NDRG3: variants seen among roughly 807,000 people sequenced by gnomAD.
NDRG3 encodes the protein protein NDRG3.
In NDRG3, 23 loss-of-function variants were observed where a neutral mutation model predicts 57.2. That is an observed-to-expected ratio of 0.40 (90% CI 0.29 to 0.57). NDRG3 has a LOEUF of 0.57. Among genes scored for constraint, NDRG3 ranks in the 20% least tolerant of loss-of-function variants. The probability of loss-of-function intolerance (pLI) is 0.42; values close to 1 mark genes in which losing one functional copy is unlikely to be tolerated. For missense variants in NDRG3, 384 were observed against 457.3 expected, an observed-to-expected ratio of 0.84 and a Z score of 1.46; for synonymous variants, 132 against 162.6, an observed-to-expected ratio of 0.81 and a Z score of 1.43.
chr20:36,679,460 C>G (rs554661024), intron 8 of NDRG3, among the ~76,000 whole-genome samples: 1 of 151,836 alleles, frequency 6.6e-6, no homozygotes, highest in Non-Finnish European at 1.5e-5. Context: ...TGTATTCACA[C>G]AATAGGTTAC....
chr20:36,730,666 G>C (rs1985229085), intron 1 of NDRG3, among the ~76,000 whole-genome samples: 1 of 152,038 alleles, frequency 6.6e-6, no homozygotes, highest in Non-Finnish European at 1.5e-5. Context: ...CACAAGGTTG[G>C]CCAGGGCACA....
intron 3 of NDRG3, among the ~76,000 whole-genome samples, chr20:36,693,048 C>T (rs6071916): frequency 0.24 from 26,558 of 112,740 alleles, 3,879 homozygotes; most frequent in Middle Eastern, 0.41. Context: ...GTACTCCAGC[C>T]GGGGTGACAG....
chr20:36,656,547 A>T lies in NDRG3; in HGVS notation c.859-15T>A, dbSNP rs199625094. ...CAGTCCGCCATCTAGAAAAGGAAAA[A>T]TATGCAAGTCAGCTGGGACTTACCC... On this transcript the variant is annotated splice_polypyrimidine_tract_variant and intron_variant, in intron 13 of 15. Transcript: ENST00000349004. The T allele has an allele frequency of 3.7e-6, 6 of 1,614,004 alleles. No individual in the cohort carries two copies. The East Asian group carries it at 1.1e-4, about 30-fold the overall frequency.
intron 8 of NDRG3, among the ~76,000 whole-genome samples, chr20:36,680,484 C>CAAAAAAAAA (rs71186011): frequency 7.8e-6 from 1 of 127,398 alleles, no homozygotes. Context: ...GACTCCATCT[C>CAAAAAAAAA]AAAAAAAAAA....
At chr20:36,726,475 T>C in intron 1 of NDRG3, among the ~76,000 whole-genome samples, 1 of 152,172 alleles carries the variant, frequency 6.6e-6, no homozygotes, top group Non-Finnish European at 1.5e-5. Flanking sequence ...CCGCTTTCAA[T>C]GTCTCAAGCC....
intron 1 of NDRG3, among the ~76,000 whole-genome samples, chr20:36,738,153 G>A (rs1045325117): frequency 3.0e-4 from 45 of 152,104 alleles, no homozygotes; most frequent in South Asian, 1.9e-3. Flanking sequence ...CCTACCTGGG[G>A]GTATTGGAAA....
At chr20:36,727,607 T>A (rs1360083508) in intron 1 of NDRG3, among the ~76,000 whole-genome samples, 1 of 150,538 alleles carries the variant, frequency 6.6e-6, no homozygotes, top group South Asian at 2.1e-4. Flanking sequence ...CAGTGGCACA[T>A]CTCAGCTCAC....
intron 1 of NDRG3, among the ~76,000 whole-genome samples, chr20:36,744,401 GGAAATTA>G (rs1192358573): frequency 1.3e-5 from 2 of 151,958 alleles, no homozygotes; most frequent in Admixed American, 1.3e-4. Context: ...AAGGGGGGGT[GGAAATTA>G]ACTGAGTCCT....
chr20:36,727,774 C>T (rs1335149439), intron 1 of NDRG3, among the ~76,000 whole-genome samples: 1 of 152,004 alleles, frequency 6.6e-6, no homozygotes, highest in African/African-American at 2.4e-5. Flanking sequence ...ATCTCCTGAC[C>T]TCGTGATCTG....
intron 7 of NDRG3, 119 bp from the exon 8 acceptor site, chr20:36,681,021 A>C: frequency 1.4e-6 from 1 of 737,916 alleles, no homozygotes; most frequent in African/African-American, 1.7e-5. Flanking sequence ...TTTGAAAGTA[A>C]GACTACAAAG....
chr20:36,739,826 C>T (rs531385152), intron 1 of NDRG3, among the ~76,000 whole-genome samples: 36 of 145,198 alleles, frequency 2.5e-4, no homozygotes, highest in African/African-American at 8.9e-4. Context: ...AGGAGAATGG[C>T]GTGAACCTGG....
At chr20:36,677,271 G>A (rs1256049772) in intron 8 of NDRG3, among the ~76,000 whole-genome samples, 1 of 152,206 alleles carries the variant, frequency 6.6e-6, no homozygotes, top group Non-Finnish European at 1.5e-5. Context: ...CATGAATGGA[G>A]CGGGACGCAG....
rs547944347 is a variant in NDRG3 at position 36,680,392 on chromosome 20, C to T, written c.531+424G>A. Among the ~76,000 whole-genome samples, 51 of 150,626 alleles carry T rather than the reference C, an allele frequency of 3.4e-4. 1 individual carries two copies. The East Asian group carries it at 9.0e-3, about 27-fold the overall frequency. On this transcript the variant is annotated intron_variant, in intron 8 of 15. Coordinates refer to ENST00000349004, the MANE Select transcript of NDRG3 (RefSeq NM_032013.4). ...ATCCCAGCCACTCGGGAGGCTGAGG[C>T]AGAGAATTGCTTGAACCGGGAGGTG...
intron 1 of NDRG3, among the ~76,000 whole-genome samples, chr20:36,722,790 G>A (rs1457254643): frequency 1.3e-5 from 2 of 152,050 alleles, no homozygotes; most frequent in Admixed American, 6.6e-5. Context: ...ATGTATAATC[G>A]CCCACCCAAA....
intron 5 of NDRG3, 134 bp downstream of exon 5, chr20:36,687,358 G>A (rs1981875444): frequency 1.8e-6 from 2 of 1,108,018 alleles, no homozygotes; most frequent in Admixed American, 2.6e-5. Context: ...GAAAATATGA[G>A]GATGGTTGGT....
intron 3 of NDRG3, among the ~76,000 whole-genome samples, chr20:36,703,455 TATC>T (rs1983368897): frequency 6.6e-6 from 1 of 151,400 alleles, no homozygotes. Context: ...TCTATCTATC[TATC>T]TATATGTGTG....
chr20:36,703,750 C>T (rs1198567352), intron 3 of NDRG3, among the ~76,000 whole-genome samples: 3 of 152,168 alleles, frequency 2.0e-5, no homozygotes, highest in African/African-American at 4.8e-5. Context: ...TAGCACCCAG[C>T]CTTTCTGTTT....
chr20:36,707,176 GTT>G (rs1373143226), intron 2 of NDRG3, among the ~76,000 whole-genome samples, 169 bp from the exon 3 acceptor site: 1 of 152,190 alleles, frequency 6.6e-6, no homozygotes, highest in Non-Finnish European at 1.5e-5. Context: ...ATGAACATGT[GTT>G]AATAAAGGCC....
chr20:36,674,886 A>ATTTTTT (rs34146274), intron 8 of NDRG3, among the ~76,000 whole-genome samples: 2 of 39,666 alleles, frequency 5.0e-5, no homozygotes, highest in African/African-American at 1.0e-4. Flanking sequence ...GCCCAGCCAG[A>ATTTTTT]TTTTTTTTTT....
Sources: gnomAD v4.1 joint callset for allele counts (sites outside exome capture counted in the v4.1 genomes callset) on GRCh38, gnomAD v4.1.1 for gene constraint, MANE v1.5 for transcripts, NCBI Gene and HGNC (gene_info 2026-07-23, HGNC 2026-07-21) for gene names.